Variants in ODAD2 observed in about 807,000 individuals in gnomAD.
The protein encoded by ODAD2 is outer dynein arm-docking complex subunit 2.
A neutral mutation model predicts 106.8 loss-of-function variants in ODAD2; 89 were observed. The observed-to-expected ratio is 0.83, with a 90% CI of 0.70 to 0.99. The LOEUF is 0.99. ODAD2 is among the 50% of genes least tolerant of loss of function. The pLI is 0.00. For synonymous variants in ODAD2, 404 were observed against 436.2 expected (o/e 0.93, Z 0.92); for missense variants, 1,168 against 1,238.5 (o/e 0.94, Z 0.85).
At chr10:27,834,371 G>A (rs1012349855) in intron 19 of ODAD2, among the ~76,000 whole-genome samples, 13 of 152,102 alleles carry the variant, frequency 8.5e-5, no homozygotes, top group Non-Finnish European at 1.6e-4. Context: ...CATACAACCC[G>A]TGACACCACA....
At chr10:27,989,541 A>C (rs1186967447) in intron 2 of ODAD2, among the ~76,000 whole-genome samples, 1 of 152,214 alleles carries the variant, frequency 6.6e-6, no homozygotes, top group Non-Finnish European at 1.5e-5. Flanking sequence ...GAGAGGACTA[A>C]GTAACAGGCT....
At chr10:27,994,847 C>T in intron 2 of ODAD2, 72 bp downstream of exon 2, 1 of 1,527,202 alleles carries the variant, frequency 6.5e-7, no homozygotes, top group South Asian at 1.3e-5. Context: ...GACTTGCCCC[C>T]AAACCTAGAA....
intron 17 of ODAD2, among the ~76,000 whole-genome samples, chr10:27,875,026 C>T (rs1426688322): frequency 2.6e-5 from 4 of 152,098 alleles, no homozygotes; most frequent in Non-Finnish European, 4.4e-5. Context: ...TCACATAGTC[C>T]CATATTTCTT....
intron 7 of ODAD2, among the ~76,000 whole-genome samples, chr10:27,975,562 A>T (rs56335062): frequency 0.034 from 5,149 of 152,276 alleles, 321 homozygotes; most frequent in African/African-American, 0.12. Context: ...AAGACAATCT[A>T]ATCTACCAAA....
At chr10:27,990,550 T>C (rs1352617969) in intron 2 of ODAD2, among the ~76,000 whole-genome samples, 1 of 152,180 alleles carries the variant, frequency 6.6e-6, no homozygotes, top group Non-Finnish European at 1.5e-5. Flanking sequence ...GCTAAGAAAC[T>C]AGCAGTCCTC....
intron 10 of ODAD2, among the ~76,000 whole-genome samples, chr10:27,960,259 C>T (rs371997302): frequency 9.3e-5 from 14 of 150,612 alleles, no homozygotes; most frequent in East Asian, 1.9e-4. Flanking sequence ...GGGCTTGTTT[C>T]GTATAAGCTC....
At chr10:27,832,509 C>A (rs55974661) in intron 19 of ODAD2, among the ~76,000 whole-genome samples, 5,146 of 152,120 alleles carry the variant, frequency 0.034, 288 homozygotes, top group African/African-American at 0.11. Flanking sequence ...ACTTTCCCCC[C>A]ACCCATGTTG....
At position 27,812,257 on chromosome 10, in the gene ODAD2, T is replaced by A; in HGVS notation, c.*255A>T. On this transcript the variant is annotated 3_prime_UTR_variant, in exon 20 of 20. Coordinates refer to ENST00000305242, the MANE Select transcript of ODAD2 (RefSeq NM_018076.5). ...TACATCATATACGTATATTCTCATA[T>A]TCTTAGAAACTTATCACAGGTTTAT... 1.5e-5 allele frequency: 7 copies of A among 463,684 alleles called. No homozygotes were observed. The South Asian group carries it at 2.0e-4, about 13-fold the overall frequency. 28.7% of individuals were successfully genotyped at this position (463,684 alleles called of 1,614,324 possible).
At chr10:27,875,995 G>A (rs974946172) in intron 17 of ODAD2, among the ~76,000 whole-genome samples, 37 of 152,304 alleles carry the variant, frequency 2.4e-4, no homozygotes, top group African/African-American at 8.7e-4. Context: ...GCGAGCCTGG[G>A]GGAGGGGCAC....
chr10:27,994,564 T>TA (rs1850435805), intron 2 of ODAD2, among the ~76,000 whole-genome samples: 1 of 151,974 alleles, frequency 6.6e-6, no homozygotes, highest in African/African-American at 2.4e-5. Context: ...ACCTCATCTG[T>TA]AAAAAGTATA....
At chr10:27,874,938 C>A (rs1272832800) in intron 17 of ODAD2, among the ~76,000 whole-genome samples, 1 of 152,178 alleles carries the variant, frequency 6.6e-6, no homozygotes, top group African/African-American at 2.4e-5. Flanking sequence ...TGGATAATAT[C>A]CTGCAGAGTG....
chr10:27,846,924 A>C (rs1189776612), intron 19 of ODAD2, among the ~76,000 whole-genome samples: 1 of 152,208 alleles, frequency 6.6e-6, no homozygotes, highest in Admixed American at 6.5e-5. Context: ...AATTGAGGCA[A>C]CAATTAATAG....
intron 19 of ODAD2, among the ~76,000 whole-genome samples, chr10:27,860,144 T>C (rs1243672770): frequency 6.6e-6 from 1 of 152,214 alleles, no homozygotes; most frequent in African/African-American, 2.4e-5. Flanking sequence ...ACAACTTTTC[T>C]GCAGCATAAA....
chr10:27,819,794 T>A (rs10763623), intron 19 of ODAD2, among the ~76,000 whole-genome samples: 148,483 of 150,024 alleles, frequency 0.99, 73,495 homozygotes, highest in East Asian at 1. Flanking sequence ...GAAGGAGTGA[T>A]CAGCACAATG....
chr10:27,850,819 A>G (rs1240034717), intron 19 of ODAD2, among the ~76,000 whole-genome samples: 1 of 152,202 alleles, frequency 6.6e-6, no homozygotes, highest in Non-Finnish European at 1.5e-5. Flanking sequence ...GAAAACAAAA[A>G]AGGTAAGCCC....
intron 19 of ODAD2, among the ~76,000 whole-genome samples, chr10:27,820,788 T>TTTTTTTTTTTTTTG (rs1836545917): frequency 6.7e-6 from 1 of 149,118 alleles, no homozygotes; most frequent in African/African-American, 2.5e-5. Context: ...TTTTTTTTTT[T>TTTTTTTTTTTTTTG]TTTTTTTTTT....
Position 27,983,824 on chromosome 10 carries a change from T to G in ODAD2, c.819+19A>C, listed in dbSNP as rs765588641. 1.2e-6 allele frequency: 2 copies of G among 1,611,848 alleles called. No homozygotes were observed. Among genetic ancestry groups the G allele is most frequent in the African/African-American group, 2.7e-5 (2 of 74,894 alleles). ...TCAAAGTCCACTGGCTTTAGTTACG[T>G]TTTTAAAAATTTACTTACACCATTT... is the stretch of plus-strand genomic sequence containing the variant. On this transcript the variant is annotated intron_variant, in intron 6 of 19. Transcript: ENST00000305242.
intron 17 of ODAD2, among the ~76,000 whole-genome samples, chr10:27,865,790 A>C (rs1030645927): frequency 2.0e-5 from 3 of 152,226 alleles, no homozygotes; most frequent in African/African-American, 7.2e-5. Flanking sequence ...AACTCCTACT[A>C]AATGGTGAAG....
chr10:27,839,372 CAG>C (rs1215309178), intron 19 of ODAD2, among the ~76,000 whole-genome samples: 1 of 152,182 alleles, frequency 6.6e-6, no homozygotes, highest in African/African-American at 2.4e-5. Context: ...TTACGTAACT[CAG>C]AGGGAAATGA....
Sources: allele counts gnomAD v4.1 joint callset (sites outside exome capture counted in the v4.1 genomes callset), GRCh38; gene constraint gnomAD v4.1.1; transcripts MANE v1.5; gene names NCBI Gene and HGNC (gene_info 2026-07-23, HGNC 2026-07-21).